The following PHYHIP variants were observed in gnomAD, a reference collection of about 807,000 sequenced individuals.
PHYHIP encodes phytanoyl-CoA 2-hydroxylase interacting protein.
In PHYHIP, 7 loss-of-function variants were observed where a neutral mutation model predicts 26.1. That is an observed-to-expected ratio of 0.27 (90% CI 0.15 to 0.50). The LOEUF is 0.50. PHYHIP is among the 20% of genes least tolerant of loss of function. PHYHIP has a pLI of 0.98. For synonymous variants in PHYHIP, 206 were observed against 183.4 expected (o/e 1.12, Z -1.00); for missense variants, 232 against 454.7 (o/e 0.51, Z 4.45).
intron 3 of PHYHIP, among the ~76,000 whole-genome samples, 181 bp downstream of exon 3, chr8:22,226,670 T>C (rs987723427): frequency 3.3e-5 from 5 of 152,118 alleles, no homozygotes; most frequent in African/African-American, 1.2e-4. Flanking sequence ...AAGAGAAAGG[T>C]TGGGCTCCTG....
intron 3 of PHYHIP, 105 bp downstream of exon 3, chr8:22,226,746 A>C: frequency 9.4e-7 from 1 of 1,058,380 alleles, no homozygotes; most frequent in East Asian, 2.6e-5. Context: ...TGGTGGACAG[A>C]AGGTGTTCAT....
intron 2 of PHYHIP, chr8:22,227,766 G>T: frequency 2.2e-6 from 1 of 457,130 alleles, no homozygotes; most frequent in Non-Finnish European, 4.4e-6. Flanking sequence ...ACCGAGGCCC[G>T]TGTGGCCCAC....
chr8:22,221,127 C>A lies in PHYHIP; in HGVS notation c.*226G>T. On this transcript the variant is annotated 3_prime_UTR_variant, in exon 5 of 5. Coordinates refer to ENST00000454243, the MANE Select transcript of PHYHIP (RefSeq NM_014759.5). This position sits in a 1 kb window ranked among gnomAD's most constrained non-coding sequence, Gnocchi z 7.9. The stretch of plus-strand genomic sequence containing the variant: ...TCCAGAAGTCCAGCCCAGCTGCCAA[C>A]TACAGAGGCTGAGAAGCCTTTCCAT... 2.0e-6 allele frequency: 1 copy of A among 502,226 alleles called. No individual in the cohort carries two copies. Among genetic ancestry groups the A allele is most frequent in the Non-Finnish European group, 3.5e-6 (1 of 284,144 alleles). The allele number at this position is 502,226 out of a possible 1,614,324, so 31.1% of individuals were successfully genotyped here.
chr8:22,222,373 T>C (rs1829648874), intron 4 of PHYHIP, among the ~76,000 whole-genome samples: 1 of 152,208 alleles, frequency 6.6e-6, no homozygotes, highest in African/African-American at 2.4e-5. Context: ...GTCAAGCGTC[T>C]GCTCCCCTCT....
At position 22,221,656 on chromosome 8, in the gene PHYHIP, C is replaced by A; in HGVS notation, c.690G>T (p.Thr230=). 1 of 1,612,938 alleles carries A rather than the reference C, an allele frequency of 6.2e-7. No homozygotes were observed. The highest frequency in any genetic ancestry group is 8.5e-7 in the Non-Finnish European group (1 of 1,179,610). The part of the protein sequence containing the change: ...LYFADFYCMY[T]AYHYAILVLA... ...GCACCAGGATGGCGTAGTGGTAGGC[C>A]GTGTACATGCAGTAGAAGTCCGCAA... Residue 230 remains threonine (T), a synonymous_variant, in exon 5 of 5, where the codon ACG becomes ACT. Coordinates refer to ENST00000454243, the MANE Select transcript of PHYHIP (RefSeq NM_014759.5). The surrounding 1 kb of genome is among the most constrained non-coding windows in gnomAD (Gnocchi z 7.9).
intron 4 of PHYHIP, among the ~76,000 whole-genome samples, chr8:22,223,360 CAAAAAAAA>C (rs750178076): frequency 1.6e-5 from 1 of 62,066 alleles, no homozygotes; most frequent in Non-Finnish European, 3.7e-5. Context: ...GACGCCATCT[CAAAAAAAA>C]AAAAAAAAAA....
At position 22,228,426 on chromosome 8, in the gene PHYHIP, G is replaced by A. The variant is rs1052539973; in HGVS notation, c.-29-40C>T. The A allele has an allele frequency of 3.4e-5, 44 of 1,281,014 alleles. No homozygotes were observed. In the African/African-American group the frequency reaches 4.2e-4, roughly 12 times the overall value. 79.4% of individuals were successfully genotyped at this position (1,281,014 alleles called of 1,614,324 possible). ...AAGGGTCAGTACATCCCTTGACCCC[G>A]GCGAGCTTTCTGGAATGTCCTCCTC... On this transcript the variant is annotated intron_variant, in intron 1 of 4. Transcript: ENST00000454243.
chr8:22,222,085 G>C (rs1321899071), intron 4 of PHYHIP, among the ~76,000 whole-genome samples, 198 bp from the exon 5 acceptor site: 1 of 152,116 alleles, frequency 6.6e-6, no homozygotes, highest in Non-Finnish European at 1.5e-5. Context: ...GATTCAACCA[G>C]CCCACTCCTT....
rs780974319 is a variant in PHYHIP at position 22,224,207 on chromosome 8, C to T, written c.458+19G>A. 9 of 1,458,282 alleles carry T rather than the reference C, an allele frequency of 6.2e-6. No individual in the cohort carries two copies. The East Asian group carries it at 6.8e-5, about 11-fold the overall frequency. The allele number at this position is 1,458,282 out of a possible 1,614,324, so 90.3% of individuals were successfully genotyped here. A position where few individuals can be genotyped will look rare whatever the true frequency, so the allele number is the denominator to read the frequency against. Reference sequence around the variant, plus strand: ...GGAGGAGAGGCCCGGCGGGTCCAGCCGGGAGCCCGCGCCCATACCTGGCAT... The same window carrying T: ...GGAGGAGAGGCCCGGCGGGTCCAGCTGGGAGCCCGCGCCCATACCTGGCAT... On this transcript the variant is annotated intron_variant, in intron 4 of 4. Transcript: ENST00000454243.
Position 22,221,145 on chromosome 8 carries a change from C to T in PHYHIP, c.*208G>A, listed in dbSNP as rs1794613149. On this transcript the variant is annotated 3_prime_UTR_variant, in exon 5 of 5. Coordinates refer to ENST00000454243, the MANE Select transcript of PHYHIP (RefSeq NM_014759.5). The surrounding 1 kb of genome is among the most constrained non-coding windows in gnomAD (Gnocchi z 7.9). ...CTGCCAACTACAGAGGCTGAGAAGC[C>T]TTTCCATGTCCACCAGGCTGGGTGT... The T allele has an allele frequency of 1.9e-6, 1 of 525,376 alleles. No homozygotes were observed. Among genetic ancestry groups the T allele is most frequent in the East Asian group, 2.9e-5 (1 of 34,856 alleles). 32.5% of individuals were successfully genotyped at this position (525,376 alleles called of 1,614,324 possible).
chr8:22,228,831 A>C (rs1403096279), intron 1 of PHYHIP: 2 of 156,982 alleles, frequency 1.3e-5, no homozygotes, highest in African/African-American at 4.8e-5. Context: ...GGTGACAGCC[A>C]AGAGCTCACA....
At chr8:22,230,561 T>C (rs1471377974) in intron 1 of PHYHIP, among the ~76,000 whole-genome samples, 1 of 151,618 alleles carries the variant, frequency 6.6e-6, no homozygotes, top group African/African-American at 2.4e-5. Context: ...GAGGGACAGG[T>C]TGAGGCAACA....
intron 1 of PHYHIP, among the ~76,000 whole-genome samples, chr8:22,230,371 C>A (rs144602743): frequency 6.6e-6 from 1 of 152,194 alleles, no homozygotes; most frequent in African/African-American, 2.4e-5. Context: ...CTGTGTTTGG[C>A]GGTAGGGGTC....
intron 3 of PHYHIP, among the ~76,000 whole-genome samples, chr8:22,224,553 C>T (rs1023671730): frequency 3.9e-5 from 6 of 152,212 alleles, no homozygotes; most frequent in African/African-American, 1.2e-4. Flanking sequence ...TACTGTCTGT[C>T]GTCATCACCT....
intron 3 of PHYHIP, among the ~76,000 whole-genome samples, 196 bp downstream of exon 3, chr8:22,226,655 G>A (rs1387401469): frequency 2.0e-5 from 3 of 152,216 alleles, no homozygotes; most frequent in Middle Eastern, 3.2e-3. Flanking sequence ...TGCCTCCAGT[G>A]AGAGAAGAGA....
Position 22,221,999 on chromosome 8 carries a change from A to G in PHYHIP, c.459-112T>C. ...GAGGGAGGAAGCCAGCCCAGCTCCC[A>G]GCCCTCCCCCAGCCGCCTCCACTAG... On this transcript the variant is annotated intron_variant, in intron 4 of 4. Coordinates refer to ENST00000454243, the MANE Select transcript of PHYHIP (RefSeq NM_014759.5). This position sits in a 1 kb window ranked among gnomAD's most constrained non-coding sequence, Gnocchi z 7.9. The G allele has an allele frequency of 1.1e-6, 1 of 887,084 alleles. No homozygotes were observed. The highest frequency in any genetic ancestry group is 1.7e-6 in the Non-Finnish European group (1 of 599,998). 55.0% of individuals were successfully genotyped at this position (887,084 alleles called of 1,614,324 possible).
intron 3 of PHYHIP, among the ~76,000 whole-genome samples, chr8:22,224,781 C>G (rs1427432944): frequency 6.6e-6 from 1 of 152,198 alleles, no homozygotes; most frequent in Non-Finnish European, 1.5e-5. Flanking sequence ...CACACCACCC[C>G]CATGGAAGCC....
At chr8:22,224,050 A>T (rs1244647590) in intron 4 of PHYHIP, 176 bp downstream of exon 4, 1 of 598,480 alleles carries the variant, frequency 1.7e-6, no homozygotes, top group Admixed American at 2.9e-5. Flanking sequence ...CCTGAGCCCA[A>T]TCCCCAAAGT....
rs1051343791 is a variant in PHYHIP, at chr8:22,221,260, G to A, written c.*93C>T. On this transcript the variant is annotated 3_prime_UTR_variant, in exon 5 of 5. Transcript: ENST00000454243. The surrounding 1 kb of genome is among the most constrained non-coding windows in gnomAD (Gnocchi z 7.9). ...GCTGGGCAGAGTGGAGGGAGCAGGG[G>A]GGCAGGAGAGAGAAAGCCAGCTCCC... is the stretch of plus-strand genomic sequence containing the variant. 7 of 1,210,728 alleles carry A rather than the reference G, an allele frequency of 5.8e-6. No homozygotes were observed. The highest frequency in any genetic ancestry group is 7.9e-6 in the Non-Finnish European group (7 of 881,288). 75.0% of individuals were successfully genotyped at this position (1,210,728 alleles called of 1,614,324 possible).
Sources: allele counts gnomAD v4.1 joint callset (sites outside exome capture counted in the v4.1 genomes callset), GRCh38; gene constraint gnomAD v4.1.1; non-coding constraint Gnocchi (gnomAD v3.1); transcripts MANE v1.5; gene names NCBI Gene and HGNC (gene_info 2026-07-23, HGNC 2026-07-21).